RASGRP3: variants seen among roughly 807,000 people sequenced by gnomAD.
RASGRP3 encodes the protein ras guanyl-releasing protein 3.
A neutral mutation model predicts 82.7 loss-of-function variants in RASGRP3; 54 were observed. That is an observed-to-expected ratio of 0.65 (90% CI 0.52 to 0.82). The LOEUF (loss-of-function observed/expected upper bound fraction) is 0.82. Among genes scored for constraint, RASGRP3 ranks in the 40% least tolerant of loss-of-function variants. The pLI is 0.00. For synonymous variants in RASGRP3, 309 were observed against 300.5 expected, an observed-to-expected ratio of 1.03 and a Z score of -0.29; for missense variants, 861 against 828.9, an observed-to-expected ratio of 1.04 and a Z score of -0.48.
intron 2 of RASGRP3, among the ~76,000 whole-genome samples, chr2:33,464,601 T>G (rs1666579896): frequency 6.6e-6 from 1 of 151,992 alleles, no homozygotes; most frequent in Non-Finnish European, 1.5e-5. Context: ...GCTACCCGAA[T>G]AGCTGGGATT....
intron 1 of RASGRP3, among the ~76,000 whole-genome samples, chr2:33,500,820 G>C (rs1669800419): frequency 6.6e-6 from 1 of 152,160 alleles, no homozygotes; most frequent in African/African-American, 2.4e-5. Context: ...TGTAATCCCA[G>C]CTACTCAGGT....
intron 14 of RASGRP3, among the ~76,000 whole-genome samples, chr2:33,554,618 G>A (rs1362527874): frequency 6.6e-6 from 1 of 152,044 alleles, no homozygotes; most frequent in African/African-American, 2.4e-5. Context: ...GACCACAGGC[G>A]CCCACCATCA....
intron 12 of RASGRP3, among the ~76,000 whole-genome samples, chr2:33,542,803 C>T (rs1295400781): frequency 8.4e-6 from 1 of 118,666 alleles, no homozygotes; most frequent in Non-Finnish European, 2.1e-5. Context: ...CGTGCCTCAG[C>T]CCCCTGAGTA....
At chr2:33,557,554 C>T (rs1257511594) in intron 15 of RASGRP3, among the ~76,000 whole-genome samples, 1 of 151,918 alleles carries the variant, frequency 6.6e-6, no homozygotes, top group African/African-American at 2.4e-5. Context: ...CTAAAAAATA[C>T]AAAAAATTAG....
At chr2:33,502,864 CTCTT>C (rs1670005711) in intron 1 of RASGRP3, among the ~76,000 whole-genome samples, 1 of 152,110 alleles carries the variant, frequency 6.6e-6, no homozygotes, top group Admixed American at 6.6e-5. Context: ...CTTCTTCTCC[CTCTT>C]TCTTTCTCAT....
Position 33,536,349 on chromosome 2 carries a change from A to T in RASGRP3, c.1161+1949A>T, listed in dbSNP as rs540460742. Among the ~76,000 whole-genome samples, 8 of 151,486 alleles carry T rather than the reference A, an allele frequency of 5.3e-5. No individual in the cohort carries two copies. In the South Asian group the frequency reaches 1.7e-3, roughly 31 times the overall value. ...AAAAAAAAAAAAAACGACAGAAAGA[A>T]AAAAGAAAGAAAACTAGGTCTGGTG... On this transcript the variant is annotated intron_variant, in intron 11 of 17. Coordinates refer to ENST00000403687, the MANE Select transcript of RASGRP3 (RefSeq NM_001139488.2).
At chr2:33,557,070 A>G (rs567960114) in intron 15 of RASGRP3, among the ~76,000 whole-genome samples, 110 of 152,264 alleles carry the variant, frequency 7.2e-4, no homozygotes, top group African/African-American at 2.5e-3. Flanking sequence ...CACTTAGGGG[A>G]AAATGGGTAC....
intron 2 of RASGRP3, among the ~76,000 whole-genome samples, chr2:33,456,717 A>T (rs1004763689): frequency 1.3e-5 from 2 of 152,182 alleles, no homozygotes; most frequent in East Asian, 1.9e-4. Context: ...CACAATTTTT[A>T]AAAAATTCAT....
In RASGRP3 at chr2:33,470,536, T is replaced by C. The variant is rs542087962; in HGVS notation, c.-261+22593T>C. 4.6e-3 allele frequency among the ~76,000 whole-genome samples: 698 copies of C among 152,024 alleles called. 4 individuals carry two copies. Among genetic ancestry groups the C allele is most frequent in the African/African-American group, 0.016 (663 of 41,504 alleles). On this transcript the variant is annotated intron_variant, in intron 2 of 18. Coordinates refer to the RASGRP3 transcript ENST00000402538. ...CTGGGACTACAGGCGCCCGCCACCA[T>C]GCCCGGCTAATTTTTTGTATTTTTA...
At chr2:33,485,357 G>T (rs1453852103) in intron 1 of RASGRP3, among the ~76,000 whole-genome samples, 1 of 152,196 alleles carries the variant, frequency 6.6e-6, no homozygotes, top group Non-Finnish European at 1.5e-5. Flanking sequence ...CTGGACTCTG[G>T]ATTTGTGATT....
intron 14 of RASGRP3, among the ~76,000 whole-genome samples, chr2:33,551,281 C>G (rs1442733770): frequency 6.6e-6 from 1 of 152,068 alleles, no homozygotes; most frequent in East Asian, 1.9e-4. Flanking sequence ...CCACTGCACT[C>G]CAGCCTGGGT....
intron 17 of RASGRP3, among the ~76,000 whole-genome samples, chr2:33,560,233 C>G (rs887964954): frequency 1.3e-5 from 2 of 152,122 alleles, no homozygotes; most frequent in East Asian, 1.9e-4. Flanking sequence ...TCATTCTCCC[C>G]CAACTCACCC....
intron 14 of RASGRP3, among the ~76,000 whole-genome samples, chr2:33,554,762 C>T (rs964198917): frequency 4.0e-5 from 6 of 151,690 alleles, no homozygotes; most frequent in Non-Finnish European, 8.8e-5. Flanking sequence ...TGTGAGCCAC[C>T]GCGCCTGGCC....
intron 1 of RASGRP3, among the ~76,000 whole-genome samples, chr2:33,483,719 C>T (rs1351920119): frequency 1.3e-5 from 2 of 152,032 alleles, no homozygotes; most frequent in Non-Finnish European, 2.9e-5. Flanking sequence ...GAATTCCTGA[C>T]CTTAAGTGAT....
intron 2 of RASGRP3, among the ~76,000 whole-genome samples, chr2:33,460,860 C>T (rs760392495): frequency 6.6e-6 from 1 of 152,118 alleles, no homozygotes; most frequent in Non-Finnish European, 1.5e-5. Context: ...AGGAGTCCTG[C>T]TCATCTTATT....
rs1339404558 is a variant in RASGRP3 at position 33,558,191 on chromosome 2, A to G, written c.1580-20A>G. 4 of 1,606,644 alleles carry G rather than the reference A, an allele frequency of 2.5e-6. No individual in the cohort carries two copies. Among genetic ancestry groups the G allele is most frequent in the African/African-American group, 1.3e-5 (1 of 74,954 alleles). On this transcript the variant is annotated intron_variant, in intron 15 of 17. Transcript: ENST00000403687. ...ACATCAGACACACTAATCATCTGCG[A>G]CACCCTTGGAATTTTTCAGACTGTG... is the stretch of plus-strand genomic sequence containing the variant.
intron 14 of RASGRP3, among the ~76,000 whole-genome samples, chr2:33,554,122 T>A (rs1201795380): frequency 6.6e-6 from 1 of 152,208 alleles, no homozygotes; most frequent in Non-Finnish European, 1.5e-5. Flanking sequence ...TTGTGGAAGT[T>A]CCTTGTCAAA....
At chr2:33,558,059 C>T (rs1676204221) in intron 15 of RASGRP3, among the ~76,000 whole-genome samples, 152 bp from the exon 16 acceptor site, 1 of 152,062 alleles carries the variant, frequency 6.6e-6, no homozygotes, top group Non-Finnish European at 1.5e-5. Flanking sequence ...CTTTCCAGAT[C>T]CTAGACACAC....
intron 1 of RASGRP3, among the ~76,000 whole-genome samples, chr2:33,443,983 G>T (rs955401456): frequency 6.6e-6 from 1 of 152,130 alleles, no homozygotes; most frequent in Admixed American, 6.6e-5. Context: ...AAAATAAAAA[G>T]AAACAGATAA....
Sources: allele counts gnomAD v4.1 joint callset (sites outside exome capture counted in the v4.1 genomes callset), GRCh38; gene constraint gnomAD v4.1.1; transcripts MANE v1.5; gene names NCBI Gene and HGNC (gene_info 2026-07-23, HGNC 2026-07-21).